Variants in NKAIN3 observed in about 807,000 individuals in gnomAD.
NKAIN3 encodes sodium/potassium transporting ATPase interacting 3.
A neutral mutation model predicts 30.2 loss-of-function variants in NKAIN3; 25 were observed. The ratio of observed to expected loss-of-function variants is 0.83; its 90% CI spans 0.60 to 1.16. NKAIN3 has a LOEUF of 1.16. Among genes scored for constraint, NKAIN3 ranks in the 50% most tolerant of loss-of-function variants. NKAIN3 has a pLI of 0.00. For synonymous variants in NKAIN3, 91 were observed against 89.6 expected (o/e 1.02, Z -0.09); for missense variants, 225 against 254.1 (o/e 0.89, Z 0.78).
At chr8:62,285,735 A>G (rs1300661035) in intron 1 of NKAIN3, among the ~76,000 whole-genome samples, 1 of 152,100 alleles carries the variant, frequency 6.6e-6, no homozygotes, top group Non-Finnish European at 1.5e-5. Flanking sequence ...TTTTTCTTTG[A>G]ACTTGGCAGA....
intron 1 of NKAIN3, among the ~76,000 whole-genome samples, chr8:62,282,338 C>T (rs1813228986): frequency 6.6e-6 from 1 of 152,152 alleles, no homozygotes; most frequent in African/African-American, 2.4e-5. Context: ...CTCTGTGTGT[C>T]CCTCGGCCTA....
chr8:62,905,673 G>C (rs934513898), intron 4 of NKAIN3, among the ~76,000 whole-genome samples: 4 of 152,086 alleles, frequency 2.6e-5, no homozygotes, highest in Non-Finnish European at 5.9e-5. Flanking sequence ...GTCCAGTCCA[G>C]TGTTCAACGC....
Position 62,516,987 on chromosome 8 carries a change from A to T in NKAIN3, c.55-62552A>T, listed in dbSNP as rs1381953483. Among the ~76,000 whole-genome samples, 3 of 152,140 alleles carry T rather than the reference A, an allele frequency of 2.0e-5. No individual in the cohort carries two copies. The East Asian group carries it at 5.8e-4, about 29-fold the overall frequency. The stretch of plus-strand genomic sequence containing the variant: ...GCTCCTTCCAGACATCCGATTATAA[A>T]TCTTTTACTGATTTCCTACCTAAAC... On this transcript the variant is annotated intron_variant, in intron 1 of 6. Coordinates refer to ENST00000623646, the MANE Select transcript of NKAIN3 (RefSeq NM_001304533.3).
intron 3 of NKAIN3, among the ~76,000 whole-genome samples, chr8:62,694,986 T>C (rs1444788474): frequency 9.9e-5 from 15 of 152,162 alleles, no homozygotes; most frequent in Admixed American, 9.8e-4. Context: ...GTAAATATTG[T>C]TCTTTCTGCT....
At chr8:62,771,959 A>G (rs1817027387) in intron 4 of NKAIN3, among the ~76,000 whole-genome samples, 1 of 152,058 alleles carries the variant, frequency 6.6e-6, no homozygotes, top group Non-Finnish European at 1.5e-5. Flanking sequence ...AGAGTAAATT[A>G]TTGTTTACTT....
At chr8:62,780,948 C>G (rs1423129804) in intron 4 of NKAIN3, among the ~76,000 whole-genome samples, 2 of 151,852 alleles carry the variant, frequency 1.3e-5, no homozygotes, top group Non-Finnish European at 1.5e-5. Context: ...AGCAATAAGA[C>G]AAGAGAAAGA....
chr8:62,991,150 T>G (rs1474541461), intron 5 of NKAIN3: 2 of 152,306 alleles, frequency 1.3e-5, no homozygotes. Context: ...TTGAGCCTAG[T>G]AAGTTTAGGA....
Position 62,968,900 on chromosome 8 carries a change from G to T in NKAIN3, c.*3493G>T, listed in dbSNP as rs1419172871. ...ATCTAAGCAAGGGAGTTACAGGGAG[G>T]GTTAGAGAATTACCAAAGGACACAA... On this transcript the variant is annotated 3_prime_UTR_variant, in exon 7 of 7. Coordinates refer to ENST00000623646, the MANE Select transcript of NKAIN3 (RefSeq NM_001304533.3). 3.3e-5 allele frequency among the ~76,000 whole-genome samples: 5 copies of T among 152,276 alleles called. No homozygotes were observed. In the South Asian group the frequency reaches 8.3e-4, roughly 25 times the overall value.
At chr8:62,955,287 T>C (rs1382604752) in intron 6 of NKAIN3, among the ~76,000 whole-genome samples, 1 of 152,192 alleles carries the variant, frequency 6.6e-6, no homozygotes, top group Non-Finnish European at 1.5e-5. Context: ...ATTCACCCTA[T>C]ATAACACTCC....
In NKAIN3 at chr8:62,967,625, T is replaced by A. The variant is rs2130911039; in HGVS notation, c.*2218T>A. Among the ~76,000 whole-genome samples the A allele has an allele frequency of 1.3e-5, 2 of 152,262 alleles. No homozygotes were observed. Among genetic ancestry groups the A allele is most frequent in the Middle Eastern group, 6.8e-3 (2 of 294 alleles). ...GAAATAAACTAAAAAATGCTTTAAT[T>A]TAAAAATAACATTAATATTCAAGTT... On this transcript the variant is annotated 3_prime_UTR_variant, in exon 7 of 7. Transcript: ENST00000623646.
rs529623886 is a variant in NKAIN3, at chr8:62,775,071, T to C, written c.471+27942T>C. Among the ~76,000 whole-genome samples the C allele has an allele frequency of 1.4e-4, 22 of 152,258 alleles. No individual in the cohort carries two copies. In the East Asian group the frequency reaches 2.9e-3, roughly 20 times the overall value. ...GCTGGGAGGCTTCTTATTATGGCAT[T>C]AATCTAGGTACTTGTTATTGGGCTG... is the stretch of plus-strand genomic sequence containing the variant. On this transcript the variant is annotated intron_variant, in intron 4 of 6. Coordinates refer to ENST00000623646, the MANE Select transcript of NKAIN3 (RefSeq NM_001304533.3).
intron 1 of NKAIN3, among the ~76,000 whole-genome samples, chr8:62,289,707 G>C (rs540313610): frequency 1.1e-4 from 16 of 152,248 alleles, no homozygotes; most frequent in African/African-American, 3.9e-4. Context: ...TTTGGCTTAG[G>C]ATTGTCTTGG....
chr8:62,944,886 G>C (rs927045778), intron 5 of NKAIN3, among the ~76,000 whole-genome samples: 4 of 152,108 alleles, frequency 2.6e-5, no homozygotes, highest in Non-Finnish European at 5.9e-5. Flanking sequence ...AGAATGATAG[G>C]CTACCTCAAA....
intron 5 of NKAIN3, among the ~76,000 whole-genome samples, chr8:62,921,992 C>A (rs995067012): frequency 6.6e-6 from 1 of 152,142 alleles, no homozygotes; most frequent in Non-Finnish European, 1.5e-5. Context: ...CAAATTGCAA[C>A]TGGCACATTT....
chr8:62,565,366 G>A (rs995188753), intron 1 of NKAIN3, among the ~76,000 whole-genome samples: 23 of 42,700 alleles, frequency 5.4e-4, no homozygotes, highest in Non-Finnish European at 1.5e-3. Flanking sequence ...ACGTGTGTGC[G>A]TGTGTGTGTG....
rs192176472 is a variant in NKAIN3, at chr8:62,287,585, C to T, written c.54+38458C>T. Among the ~76,000 whole-genome samples the T allele has an allele frequency of 2.8e-3, 421 of 152,118 alleles. 2 individuals carry two copies. Among genetic ancestry groups the T allele is most frequent in the Non-Finnish European group, 4.4e-3 (296 of 67,990 alleles). On this transcript the variant is annotated intron_variant, in intron 1 of 6. Coordinates refer to ENST00000623646, the MANE Select transcript of NKAIN3 (RefSeq NM_001304533.3). Reference sequence around the variant, plus strand: ...TATAAAATAAGATCTCTTTATTTAACAACAGAAAATCCTGATTGTTGGATT... The same window carrying T: ...TATAAAATAAGATCTCTTTATTTAATAACAGAAAATCCTGATTGTTGGATT...
At chr8:62,496,033 G>A (rs951654315) in intron 1 of NKAIN3, among the ~76,000 whole-genome samples, 1 of 151,972 alleles carries the variant, frequency 6.6e-6, no homozygotes, top group African/African-American at 2.4e-5. Context: ...TGAGTTTTGG[G>A]GCACATTTTG....
chr8:62,475,072 C>T (rs1227335449), intron 1 of NKAIN3, among the ~76,000 whole-genome samples: 1 of 151,906 alleles, frequency 6.6e-6, no homozygotes, highest in African/African-American at 2.4e-5. Flanking sequence ...ATTTATATCC[C>T]CTCCTCCCTC....
At chr8:62,809,078 T>A (rs1818399276) in intron 4 of NKAIN3, among the ~76,000 whole-genome samples, 1 of 152,148 alleles carries the variant, frequency 6.6e-6, no homozygotes, top group Admixed American at 6.6e-5. Context: ...TTTCTCCTAT[T>A]CGCTTTTGTA....
Sources: allele counts gnomAD v4.1 joint callset (sites outside exome capture counted in the v4.1 genomes callset), GRCh38; gene constraint gnomAD v4.1.1; transcripts MANE v1.5; gene names NCBI Gene and HGNC (gene_info 2026-07-23, HGNC 2026-07-21).